Variants in MAST2 observed in about 807,000 individuals in gnomAD.
MAST2 encodes the protein microtubule associated serine/threonine kinase 2.
MAST2 carries 70 observed loss-of-function variants against 147.4 expected under a neutral mutation model. The ratio of observed to expected loss-of-function variants is 0.47; its 90% confidence interval spans 0.39 to 0.58. The LOEUF (loss-of-function observed/expected upper bound fraction) is 0.58. MAST2 is among the 20% of genes least tolerant of loss of function. The probability of loss-of-function intolerance (pLI) is 0.00; values close to 1 mark genes in which losing one functional copy is unlikely to be tolerated. For missense variants in MAST2, 2,080 were observed against 2,302.3 expected (o/e 0.90, Z 1.98); for synonymous variants, 869 against 896.8 (o/e 0.97, Z 0.55).
At chr1:45,928,733 A>G (rs1367865411) in intron 4 of MAST2, among the ~76,000 whole-genome samples, 2 of 152,036 alleles carry the variant, frequency 1.3e-5, no homozygotes, top group Non-Finnish European at 2.9e-5. Flanking sequence ...GACATGCACC[A>G]GAAGCCTGGC....
chr1:45,967,758 A>G (rs1661449565), intron 5 of MAST2, among the ~76,000 whole-genome samples: 1 of 152,330 alleles, frequency 6.6e-6, no homozygotes, highest in Non-Finnish European at 1.5e-5. Flanking sequence ...GTGAACCCGT[A>G]CAGTTCAAAC....
chr1:45,872,877 T>A (rs545172481), intron 3 of MAST2, among the ~76,000 whole-genome samples: 1 of 152,346 alleles, frequency 6.6e-6, no homozygotes, highest in South Asian at 2.1e-4. Flanking sequence ...GGATTTAGTA[T>A]GTATAACTTT....
At chr1:45,860,435 C>G (rs1645941680) in intron 3 of MAST2, among the ~76,000 whole-genome samples, 1 of 151,528 alleles carries the variant, frequency 6.6e-6, no homozygotes, top group Non-Finnish European at 1.5e-5. Flanking sequence ...CATATATGAC[C>G]CATTAGGGTA....
intron 4 of MAST2, among the ~76,000 whole-genome samples, chr1:45,951,197 G>C (rs1241661528): frequency 6.6e-6 from 1 of 152,132 alleles, no homozygotes; most frequent in Non-Finnish European, 1.5e-5. Flanking sequence ...CCCTAGCCTG[G>C]ATGACAGAGT....
At chr1:45,934,060 T>G (rs1217515181) in intron 4 of MAST2, among the ~76,000 whole-genome samples, 1 of 152,094 alleles carries the variant, frequency 6.6e-6, no homozygotes, top group Admixed American at 6.6e-5. Context: ...TTCAGTTCTC[T>G]CCCTCCTCCC....
Position 45,879,299 on chromosome 1 carries a change from A to T in MAST2, c.469-3065A>T, listed in dbSNP as rs1242467421. On this transcript the variant is annotated intron_variant, in intron 3 of 28. Transcript: ENST00000361297. ...CATCAAAAGGCTCTACTGGCCTGGC[A>T]TGGTGGCTCACGCCTGTAATCCCAA... 2.0e-5 allele frequency among the ~76,000 whole-genome samples: 3 copies of T among 152,164 alleles called. No homozygotes were observed. The South Asian group carries it at 6.2e-4, about 31-fold the overall frequency.
intron 1 of MAST2, among the ~76,000 whole-genome samples, chr1:45,822,617 G>A (rs1212178356): frequency 1.3e-5 from 2 of 152,146 alleles, no homozygotes; most frequent in African/African-American, 4.8e-5. Flanking sequence ...CATGCAGCTG[G>A]TTGTAAGTTT....
chr1:45,925,463 TG>T lies in MAST2; in HGVS notation c.501-33918del, dbSNP rs111264457. The stretch of plus-strand genomic sequence containing the variant: ...TCCAGAGTATTGATTGGCACTCAGA[TG>T]GGGGTGTTGCATTTTTAGAGTAAGA... On this transcript the variant is annotated intron_variant, in intron 4 of 28. Transcript: ENST00000361297. Among the ~76,000 whole-genome samples, 264 of 152,296 alleles carry T rather than the reference TG, an allele frequency of 1.7e-3. 1 individual carries two copies. The highest frequency in any genetic ancestry group is 6.8e-3 in the Middle Eastern group (2 of 294).
At chr1:45,917,448 G>T (rs756418536) in intron 4 of MAST2, 5 of 1,366,476 alleles carry the variant, frequency 3.7e-6, no homozygotes, top group Non-Finnish European at 4.9e-6. Context: ...TTGTGCTTTG[G>T]CTACTTCTCC....
intron 3 of MAST2, among the ~76,000 whole-genome samples, chr1:45,880,001 T>G (rs1445816720): frequency 6.6e-6 from 1 of 152,216 alleles, no homozygotes; most frequent in Non-Finnish European, 1.5e-5. Context: ...GAAACTCTCA[T>G]ACATTGTTAA....
intron 4 of MAST2, among the ~76,000 whole-genome samples, chr1:45,936,684 C>G (rs1371551622): frequency 1.3e-5 from 2 of 152,152 alleles, no homozygotes; most frequent in Non-Finnish European, 2.9e-5. Context: ...CCACTGTTCT[C>G]TTCAAGCAGA....
At chr1:45,840,271 C>T (rs1248624893) in intron 3 of MAST2, among the ~76,000 whole-genome samples, 2 of 152,176 alleles carry the variant, frequency 1.3e-5, no homozygotes, top group African/African-American at 4.8e-5. Context: ...ATATCACTAC[C>T]TTCTACCTTT....
At chr1:46,013,888 A>C (rs1443954675) in intron 10 of MAST2, among the ~76,000 whole-genome samples, 2 of 152,296 alleles carry the variant, frequency 1.3e-5, no homozygotes, top group East Asian at 3.9e-4. Flanking sequence ...GACAGGTTTT[A>C]AAAGAATAAA....
At chr1:45,830,805 T>A (rs1252794605) in intron 3 of MAST2, among the ~76,000 whole-genome samples, 2 of 151,950 alleles carry the variant, frequency 1.3e-5, no homozygotes, top group South Asian at 2.1e-4. Context: ...GGAGGATCGC[T>A]TGAGCCCAGG....
intron 1 of MAST2, among the ~76,000 whole-genome samples, chr1:45,820,517 C>T (rs975729027): frequency 5.3e-5 from 8 of 152,022 alleles, no homozygotes; most frequent in African/African-American, 1.7e-4. Flanking sequence ...AGCTCCATTT[C>T]CTTGATAAGT....
At chr1:45,857,119 A>G (rs934769349) in intron 3 of MAST2, among the ~76,000 whole-genome samples, 1 of 152,056 alleles carries the variant, frequency 6.6e-6, no homozygotes, top group Non-Finnish European at 1.5e-5. Flanking sequence ...TTTTTGTTTA[A>G]TGCCTGTCTA....
intron 7 of MAST2, among the ~76,000 whole-genome samples, chr1:46,003,554 A>G (rs182031544): frequency 6.6e-6 from 1 of 151,594 alleles, no homozygotes; most frequent in Non-Finnish European, 1.5e-5. Flanking sequence ...TGCAGCTTCA[A>G]CCTCCCCAGG....
At chr1:45,849,348 G>A (rs1346535688) in intron 3 of MAST2, among the ~76,000 whole-genome samples, 1 of 152,092 alleles carries the variant, frequency 6.6e-6, no homozygotes, top group East Asian at 1.9e-4. Context: ...TAGGGATACA[G>A]TAACCAAAAC....
chr1:45,943,909 A>G (rs1329148658), intron 4 of MAST2, among the ~76,000 whole-genome samples: 1 of 152,174 alleles, frequency 6.6e-6, no homozygotes, highest in Non-Finnish European at 1.5e-5. Flanking sequence ...TATCCTTAAC[A>G]ACCTATATAA....
Sources: gnomAD v4.1 joint callset for allele counts (sites outside exome capture counted in the v4.1 genomes callset) on GRCh38, gnomAD v4.1.1 for gene constraint, MANE v1.5 for transcripts, NCBI Gene and HGNC (gene_info 2026-07-23, HGNC 2026-07-21) for gene names.